The following PARD3B variants were observed in gnomAD, a reference collection of about 807,000 sequenced individuals.
The protein encoded by PARD3B is par-3 family cell polarity regulator beta.
In PARD3B, 103 loss-of-function variants were observed where a neutral mutation model predicts 130.2. The observed-to-expected ratio is 0.79, with a 90% CI of 0.67 to 0.93. The LOEUF is 0.93. Among genes scored for constraint, PARD3B ranks in the 40% least tolerant of loss-of-function variants. PARD3B has a pLI of 0.00. For synonymous variants in PARD3B, 583 were observed against 553.2 expected, an observed-to-expected ratio of 1.05 and a Z score of -0.76; for missense variants, 1,609 against 1,499.2, an observed-to-expected ratio of 1.07 and a Z score of -1.21.
At chr2:204,885,390 A>G (rs893325362) in intron 2 of PARD3B, among the ~76,000 whole-genome samples, 1 of 152,114 alleles carries the variant, frequency 6.6e-6, no homozygotes, top group Non-Finnish European at 1.5e-5. Flanking sequence ...TGTCAGATGG[A>G]TAGGTTGCAA....
At chr2:205,344,757 C>T (rs1393352832) in intron 18 of PARD3B, among the ~76,000 whole-genome samples, 1 of 152,130 alleles carries the variant, frequency 6.6e-6, no homozygotes, top group Non-Finnish European at 1.5e-5. Flanking sequence ...GCTTTTAGGG[C>T]ATTTTGCCCT....
At chr2:205,239,945 G>A (rs771981273) in intron 15 of PARD3B, among the ~76,000 whole-genome samples, 1 of 151,912 alleles carries the variant, frequency 6.6e-6, no homozygotes, top group Non-Finnish European at 1.5e-5. Context: ...TGTGTGTGTG[G>A]GTGTGGGTGT....
At chr2:204,557,543 T>C (rs898849285) in intron 1 of PARD3B, among the ~76,000 whole-genome samples, 3 of 152,220 alleles carry the variant, frequency 2.0e-5, no homozygotes, top group Non-Finnish European at 4.4e-5. Context: ...GCACAGTATT[T>C]GATATATAGT....
intron 18 of PARD3B, among the ~76,000 whole-genome samples, chr2:205,326,020 A>C (rs1170800558): frequency 6.6e-6 from 1 of 152,178 alleles, no homozygotes; most frequent in Non-Finnish European, 1.5e-5. Context: ...AAACTGCCTA[A>C]TTTGTTAATT....
At chr2:204,691,169 AGCTTTTTAAAATGATTATTTTCTTTG>A (rs1235049970) in intron 2 of PARD3B, among the ~76,000 whole-genome samples, 2 of 152,090 alleles carry the variant, frequency 1.3e-5, no homozygotes, top group South Asian at 2.1e-4. Context: ...CTGAGTATTA[AGCTTTTTAAAATGATTATTTTCTTTG>A]GTAATTGCCA....
chr2:205,121,720 C>G lies in PARD3B; in HGVS notation c.936C>G (p.Gly312=). The part of the protein sequence containing the change: ...GSLNIFGNND[G]VLKTKVPPPV... ...TTAACATTTTTGGTAATAATGATGG[C>G]GTTTTGAAAACCAAAGTGCCGCCTC... The change falls in exon 8 of 23, where the codon GGC becomes GGG. Residue 312 remains glycine (G), a synonymous_variant. Transcript: ENST00000406610. The surrounding 1 kb of genome is among the most constrained non-coding windows in gnomAD (Gnocchi z 5.0). 2 of 1,614,054 alleles carry G rather than the reference C, an allele frequency of 1.2e-6. No individual in the cohort carries two copies. The highest frequency in any genetic ancestry group is 1.7e-6 in the Non-Finnish European group (2 of 1,180,018).
chr2:205,470,612 A>C lies in PARD3B; in HGVS notation c.3045-29284A>C, dbSNP rs867134687. Among the ~76,000 whole-genome samples the C allele has an allele frequency of 6.6e-6, 1 of 152,226 alleles. No homozygotes were observed. The highest frequency in any genetic ancestry group is 1.5e-5 in the Non-Finnish European group (1 of 68,044). On this transcript the variant is annotated intron_variant, in intron 20 of 22. Transcript: ENST00000406610. The surrounding 1 kb of genome is among the most constrained non-coding windows in gnomAD (Gnocchi z 4.8). ...TTTGTAAGGATCATGGAATAAAGGC[A>C]TACAGGCAGGTCACTATCAGCATTT...
chr2:205,608,458 C>T (rs571883386), intron 22 of PARD3B, among the ~76,000 whole-genome samples: 9 of 152,320 alleles, frequency 5.9e-5, no homozygotes, highest in African/African-American at 1.9e-4. Context: ...TGTGGATAAA[C>T]AGACCATGGG....
chr2:205,448,788 G>C (rs537214582), intron 20 of PARD3B, among the ~76,000 whole-genome samples: 1 of 152,168 alleles, frequency 6.6e-6, no homozygotes, highest in South Asian at 2.1e-4. Flanking sequence ...GCATTTTCCA[G>C]TTCATCTGAA....
At chr2:204,634,157 C>T (rs533773690) in intron 1 of PARD3B, among the ~76,000 whole-genome samples, 1 of 152,268 alleles carries the variant, frequency 6.6e-6, no homozygotes, top group East Asian at 1.9e-4. Flanking sequence ...CCTTCCAAGC[C>T]TCTAGTAACC....
chr2:205,225,872 A>G (rs1304538224), intron 15 of PARD3B, among the ~76,000 whole-genome samples: 1 of 152,240 alleles, frequency 6.6e-6, no homozygotes, highest in Non-Finnish European at 1.5e-5. Flanking sequence ...TTACAATTAA[A>G]CATGAGATGT....
At chr2:204,600,033 A>AT (rs199843545) in intron 1 of PARD3B, among the ~76,000 whole-genome samples, 12 of 149,304 alleles carry the variant, frequency 8.0e-5, no homozygotes, top group Non-Finnish European at 1.2e-4. Context: ...TTTAAATTGG[A>AT]TTTTTTTTTG....
At chr2:205,190,044 C>G (rs2036309725) in intron 14 of PARD3B, among the ~76,000 whole-genome samples, 1 of 152,092 alleles carries the variant, frequency 6.6e-6, no homozygotes, top group South Asian at 2.1e-4. Context: ...TACAGTGCAG[C>G]CTTTTATTTC....
intron 18 of PARD3B, among the ~76,000 whole-genome samples, chr2:205,331,265 CCACA>C (rs56170026): frequency 1.2e-3 from 179 of 148,722 alleles, no homozygotes; most frequent in African/African-American, 1.9e-3. Flanking sequence ...CACATATATT[CCACA>C]CACACACACA....
rs2125782476 is a variant in PARD3B at position 205,183,958 on chromosome 2, A to G, written c.1925-1806A>G. 6.6e-6 allele frequency among the ~76,000 whole-genome samples: 1 copy of G among 152,174 alleles called. No individual in the cohort carries two copies. Among genetic ancestry groups the G allele is most frequent in the African/African-American group, 2.4e-5 (1 of 41,556 alleles). Reference sequence around the variant, plus strand: ...CTGAAGACAAACGGGCTTGAGACTCAGGAAGAACTGATGTTTCCGTTTGGG... The same window carrying G: ...CTGAAGACAAACGGGCTTGAGACTCGGGAAGAACTGATGTTTCCGTTTGGG... On this transcript the variant is annotated intron_variant, in intron 13 of 22. Coordinates refer to ENST00000406610, the MANE Select transcript of PARD3B (RefSeq NM_001302769.2). This position sits in a 1 kb window ranked among gnomAD's most constrained non-coding sequence, Gnocchi z 5.2.
chr2:204,996,853 TC>T (rs1263009981), intron 3 of PARD3B, among the ~76,000 whole-genome samples: 1 of 147,512 alleles, frequency 6.8e-6, no homozygotes, highest in Non-Finnish European at 1.5e-5. Flanking sequence ...TCCAGGTGCG[TC>T]CGTCACCCCT....
At position 204,673,061 on chromosome 2, in the gene PARD3B, G is replaced by T. The variant is rs930926894; in HGVS notation, c.121-13120G>T. On this transcript the variant is annotated intron_variant, in intron 1 of 22. Transcript: ENST00000406610. This position sits in a 1 kb window ranked among gnomAD's most constrained non-coding sequence, Gnocchi z 4.7. ...CAATCCAGTGAGGGTAGAGGATATT[G>T]TTCCCATTTATGAGTGGTAAATTTT... Among the ~76,000 whole-genome samples, 11 of 152,164 alleles carry T rather than the reference G, an allele frequency of 7.2e-5. No individual in the cohort carries two copies. Among genetic ancestry groups the T allele is most frequent in the Non-Finnish European group, 1.6e-4 (11 of 68,022 alleles).
At chr2:204,650,857 G>A (rs941114106) in intron 1 of PARD3B, among the ~76,000 whole-genome samples, 1 of 151,478 alleles carries the variant, frequency 6.6e-6, no homozygotes, top group Non-Finnish European at 1.5e-5. Flanking sequence ...GAAAATGAAG[G>A]GAAGGCAAGC....
intron 21 of PARD3B, among the ~76,000 whole-genome samples, chr2:205,541,839 G>T (rs1239896946): frequency 1.3e-5 from 2 of 151,756 alleles, no homozygotes; most frequent in Non-Finnish European, 2.9e-5. Context: ...TCCTGCCATA[G>T]GCAAAAAAGC....
Sources: allele counts gnomAD v4.1 joint callset (sites outside exome capture counted in the v4.1 genomes callset), GRCh38; gene constraint gnomAD v4.1.1; non-coding constraint Gnocchi (gnomAD v3.1); transcripts MANE v1.5; gene names NCBI Gene and HGNC (gene_info 2026-07-23, HGNC 2026-07-21).